LASP1: variants seen among roughly 807,000 people sequenced by gnomAD.
LASP1 encodes the protein LIM and SH3 domain protein 1.
LASP1 carries 10 observed loss-of-function variants against 38.6 expected under a neutral mutation model. The ratio of observed to expected loss-of-function variants is 0.26; its 90% confidence interval spans 0.16 to 0.44. The LOEUF is 0.44. Among genes scored for constraint, LASP1 ranks in the 20% least tolerant of loss-of-function variants. The pLI, the probability that LASP1 is intolerant of heterozygous loss-of-function variation, is 1.00. For synonymous variants in LASP1, 132 were observed against 140.8 expected (o/e 0.94, Z 0.44); for missense variants, 243 against 375.7 (o/e 0.65, Z 2.92).
At chr17:38,898,191 C>T (rs545925918) in intron 3 of LASP1, among the ~76,000 whole-genome samples, 2 of 152,294 alleles carry the variant, frequency 1.3e-5, no homozygotes, top group African/African-American at 4.8e-5. Context: ...GGACTCTGTG[C>T]CTGCCATTCA....
chr17:38,877,928 C>CTGAAATGCCCCCAGCTCACCTGGGA (rs1360397313), intron 1 of LASP1, among the ~76,000 whole-genome samples, 158 bp from the exon 2 acceptor site: 2 of 152,168 alleles, frequency 1.3e-5, no homozygotes, highest in African/African-American at 2.4e-5. Flanking sequence ...AGCCTGTGAC[C>CTGAAATGCCCCCAGCTCACCTGGGA]TGAAATGCCC....
At chr17:38,915,787 C>G (rs1915102986) in intron 6 of LASP1, 1 of 152,212 alleles carries the variant, frequency 6.6e-6, no homozygotes, top group African/African-American at 2.4e-5. Context: ...GAAGTCCCGG[C>G]TCTGTAAGTC....
At chr17:38,906,598 A>C (rs2143808345) in intron 4 of LASP1, among the ~76,000 whole-genome samples, 1 of 152,212 alleles carries the variant, frequency 6.6e-6, no homozygotes, top group Middle Eastern at 3.4e-3. Flanking sequence ...AAGGGCACCC[A>C]AAAAAAGACC....
intron 1 of LASP1, 76 bp downstream of exon 1, chr17:38,870,334 G>C: frequency 6.6e-7 from 1 of 1,522,200 alleles, no homozygotes. Flanking sequence ...GAAGGGCCGG[G>C]TCTTTGCCGC....
At chr17:38,884,500 G>A (rs893332962) in intron 2 of LASP1, among the ~76,000 whole-genome samples, 33 of 150,934 alleles carry the variant, frequency 2.2e-4, no homozygotes, top group African/African-American at 7.8e-4. Flanking sequence ...CGGTTCTCCC[G>A]CCTCAGCCTC....
At chr17:38,890,903 G>T (rs758967) in intron 3 of LASP1, among the ~76,000 whole-genome samples, 22,603 of 152,138 alleles carry the variant, frequency 0.15, 2,528 homozygotes, top group African/African-American at 0.31. Flanking sequence ...CTCTATAGCC[G>T]CGTCCCAAAC....
At chr17:38,876,214 T>C (rs1014309469) in intron 1 of LASP1, among the ~76,000 whole-genome samples, 12 of 148,844 alleles carry the variant, frequency 8.1e-5, no homozygotes, top group African/African-American at 3.0e-4. Context: ...AGTCTTGCTC[T>C]GTCACCCAGG....
chr17:38,879,464 G>T (rs1011409302), intron 2 of LASP1, among the ~76,000 whole-genome samples: 2 of 150,494 alleles, frequency 1.3e-5, no homozygotes, highest in African/African-American at 2.4e-5. Flanking sequence ...GCCTTAATTC[G>T]ATTTTTTTTT....
At chr17:38,871,584 A>T in intron 1 of LASP1, among the ~76,000 whole-genome samples, 1 of 152,094 alleles carries the variant, frequency 6.6e-6, no homozygotes, top group Non-Finnish European at 1.5e-5. Flanking sequence ...GGTTTTGTTC[A>T]GGAGAGGATA....
chr17:38,883,912 C>T (rs1171481619), intron 2 of LASP1, among the ~76,000 whole-genome samples: 1 of 151,600 alleles, frequency 6.6e-6, no homozygotes, highest in Non-Finnish European at 1.5e-5. Context: ...AGGGGATGGA[C>T]GGGTGAGAAA....
At chr17:38,876,187 T>C (rs1913769324) in intron 1 of LASP1, among the ~76,000 whole-genome samples, 1 of 149,028 alleles carries the variant, frequency 6.7e-6, no homozygotes, top group African/African-American at 2.5e-5. Flanking sequence ...TTTTTTTTTT[T>C]TTTTTTTTTG....
intron 6 of LASP1, chr17:38,916,127 TC>T (rs1915116323): frequency 6.6e-6 from 1 of 152,370 alleles, no homozygotes; most frequent in Non-Finnish European, 1.5e-5. Flanking sequence ...AAGCCACCTC[TC>T]TGCCCTCTGG....
chr17:38,896,164 G>GC lies in LASP1; in HGVS notation c.250-2242dup, dbSNP rs544613791. On this transcript the variant is annotated intron_variant, in intron 3 of 6. Transcript: ENST00000318008. ...GGGCTGGGCCCTCCCTACACCCCTG[G>GC]CCCCCCACCCTTCACTTCTGCCACC... Among the ~76,000 whole-genome samples, 1,478 of 151,956 alleles carry GC rather than the reference G, an allele frequency of 9.7e-3. 22 individuals are homozygous for GC. Among genetic ancestry groups the GC allele is most frequent in the African/African-American group, 0.034 (1,387 of 41,350 alleles).
In LASP1 at chr17:38,914,878, C is replaced by A. The variant is rs901884956; in HGVS notation, c.509-165C>A. On this transcript the variant is annotated intron_variant, in intron 5 of 6. Transcript: ENST00000318008. ...GGGCTCAGAGCCCCTGCGTGGGATA[C>A]AACACACAGGCAAATGTGCACACGT... 4 of 670,626 alleles carry A rather than the reference C, an allele frequency of 6.0e-6. No individual in the cohort carries two copies. In the Admixed American group the frequency reaches 1.1e-4, roughly 18 times the overall value. The allele number at this position is 670,626 out of a possible 1,614,324, so 41.5% of individuals were successfully genotyped here. A position where few individuals can be genotyped will look rare whatever the true frequency, so the allele number is the denominator to read the frequency against.
At chr17:38,881,150 G>T (rs1913937670) in intron 2 of LASP1, among the ~76,000 whole-genome samples, 1 of 152,152 alleles carries the variant, frequency 6.6e-6, no homozygotes, top group Admixed American at 6.5e-5. Context: ...CCTGCCCAGG[G>T]ATGTTGGACC....
chr17:38,914,681 C>G (rs1231702155), intron 5 of LASP1, among the ~76,000 whole-genome samples: 3 of 16,020 alleles, frequency 1.9e-4, no homozygotes, highest in African/African-American at 1.0e-3. Context: ...GAGACAGACA[C>G]ACACACACAC....
chr17:38,907,858 A>G (rs1914815905), intron 4 of LASP1, among the ~76,000 whole-genome samples: 1 of 152,200 alleles, frequency 6.6e-6, no homozygotes, highest in African/African-American at 2.4e-5. Context: ...TCAGGTTCCT[A>G]GAGCTGGTCA....
chr17:38,890,532 G>C, intron 3 of LASP1, 28 bp downstream of exon 3: 1 of 1,598,742 alleles, frequency 6.3e-7, no homozygotes, highest in Non-Finnish European at 8.6e-7. Flanking sequence ...GCTGGGGCCT[G>C]GCAGGGAGGG....
chr17:38,888,385 C>T (rs910714528), intron 2 of LASP1, among the ~76,000 whole-genome samples: 3 of 151,910 alleles, frequency 2.0e-5, no homozygotes, highest in Non-Finnish European at 4.4e-5. Context: ...TCAAGTGATT[C>T]TCCTGCCTCA....
Sources: allele counts gnomAD v4.1 joint callset (sites outside exome capture counted in the v4.1 genomes callset), GRCh38; gene constraint gnomAD v4.1.1; transcripts MANE v1.5; gene names NCBI Gene and HGNC (gene_info 2026-07-23, HGNC 2026-07-21).